TCF7: variants seen among roughly 807,000 people sequenced by gnomAD.
TCF7 encodes transcription factor 7, also known as T-cell-factor-7.
In TCF7, 19 loss-of-function variants were observed where a neutral mutation model predicts 46.8. The ratio of observed to expected loss-of-function variants is 0.41; its 90% CI spans 0.28 to 0.60. The LOEUF (loss-of-function observed/expected upper bound fraction) is 0.60. Ranked by LOEUF, TCF7 falls within the 20% of genes least tolerant of loss-of-function variation. The pLI is 0.35. For synonymous variants in TCF7, 245 were observed against 213.4 expected (o/e 1.15, Z -1.29); for missense variants, 547 against 504.6 (o/e 1.08, Z -0.81).
chr5:134,146,588 T>C lies in TCF7; in HGVS notation c.*285T>C, dbSNP rs1760742236. 1 of 696,046 alleles carries C rather than the reference T, an allele frequency of 1.4e-6. No homozygotes were observed. Among genetic ancestry groups the C allele is most frequent in the Non-Finnish European group, 2.6e-6 (1 of 379,858 alleles). The allele number at this position is 696,046 out of a possible 1,614,324, so 43.1% of individuals were successfully genotyped here. A position where few individuals can be genotyped will look rare whatever the true frequency, so the allele number is the denominator to read the frequency against. ...GAAAGTGACAGAGACCCAGATCTCA[T>C]GGAAACTGGCCAGGGGTCCTGTTAA... On this transcript the variant is annotated 3_prime_UTR_variant, in exon 10 of 10. Coordinates refer to ENST00000342854, the MANE Select transcript of TCF7 (RefSeq NM_003202.5).
intron 3 of TCF7, among the ~76,000 whole-genome samples, chr5:134,117,754 C>CT (rs1464574785): frequency 1.3e-5 from 2 of 152,210 alleles, no homozygotes; most frequent in Non-Finnish European, 2.9e-5. Context: ...ACCTTTCAGT[C>CT]TTTCTCAAGC....
At chr5:134,138,291 C>A in intron 4 of TCF7, 127 bp downstream of exon 4, 1 of 761,622 alleles carries the variant, frequency 1.3e-6, no homozygotes, top group Non-Finnish European at 2.1e-6. Flanking sequence ...AACTAAGGGC[C>A]CAAAGAAAAT....
chr5:134,114,951 C>T lies in TCF7; in HGVS notation c.45C>T (p.Asp15=). ...DSGGGGAGGG[D]DLGAPDELLA... is the part of the protein sequence containing the mutation. Reference sequence around the variant, plus strand: ...GCGGGGGCGGCGCGGGCGGCGGCGACGACCTCGGCGCGCCGGACGAGCTGC... The same window carrying T: ...GCGGGGGCGGCGCGGGCGGCGGCGATGACCTCGGCGCGCCGGACGAGCTGC... The change falls in exon 1 of 10, where the codon GAC becomes GAT. Residue 15 remains aspartate, a synonymous_variant. Transcript: ENST00000342854. 3.5e-6 allele frequency: 4 copies of T among 1,134,712 alleles called. No homozygotes were observed. Among genetic ancestry groups the T allele is most frequent in the South Asian group, 4.1e-5 (2 of 48,302 alleles). The allele number at this position is 1,134,712 out of a possible 1,614,324, so 70.3% of individuals were successfully genotyped here.
At chr5:134,142,096 A>C in intron 5 of TCF7, 89 bp from the exon 6 acceptor site, 2 of 1,572,834 alleles carry the variant, frequency 1.3e-6, no homozygotes. Context: ...CTGTGTCCTC[A>C]AGTTATGTAT....
At chr5:134,132,611 C>T (rs992971567) in intron 3 of TCF7, among the ~76,000 whole-genome samples, 17 of 152,184 alleles carry the variant, frequency 1.1e-4, no homozygotes, top group African/African-American at 3.6e-4. Context: ...CCGTCAGAGG[C>T]GAGGGAGTTT....
intron 3 of TCF7, among the ~76,000 whole-genome samples, chr5:134,137,443 A>G (rs1403418168): frequency 6.6e-6 from 1 of 151,284 alleles, no homozygotes; most frequent in African/African-American, 2.4e-5. Context: ...AAAAAAAAAA[A>G]AAAACAGAGA....
In TCF7 at chr5:134,146,892, C is replaced by T; in HGVS notation, c.*589C>T. ...CTTCTCTACCCATCTCCCCCATCCC[C>T]CACTGCCACACCCTCCCCATTCAGA... On this transcript the variant is annotated 3_prime_UTR_variant, in exon 10 of 10. Transcript: ENST00000342854. The T allele has an allele frequency of 3.5e-6, 1 of 283,628 alleles. No homozygotes were observed. The highest frequency in any genetic ancestry group is 6.7e-6 in the Non-Finnish European group (1 of 150,214). The allele number at this position is 283,628 out of a possible 1,614,324, so 17.6% of individuals were successfully genotyped here. A position where few individuals can be genotyped will look rare whatever the true frequency, so the allele number is the denominator to read the frequency against.
At chr5:134,145,692 G>A in intron 9 of TCF7, 1 of 1,604,930 alleles carries the variant, frequency 6.2e-7, no homozygotes, top group Non-Finnish European at 8.5e-7. Context: ...ATGCACGGTG[G>A]GAAACAACCC....
At chr5:134,118,548 G>A (rs1167792496) in intron 3 of TCF7, among the ~76,000 whole-genome samples, 3 of 152,126 alleles carry the variant, frequency 2.0e-5, no homozygotes, top group South Asian at 2.1e-4. Context: ...AACCTTGCCC[G>A]GAGCAATAGG....
chr5:134,124,639 ACT>A (rs1488860545), intron 3 of TCF7, among the ~76,000 whole-genome samples: 1 of 152,020 alleles, frequency 6.6e-6, no homozygotes, highest in Non-Finnish European at 1.5e-5. Flanking sequence ...AGGAGCAGAC[ACT>A]CTGCCAAATA....
intron 3 of TCF7, 96 bp downstream of exon 3, chr5:134,116,129 A>ACT (rs1354467058): frequency 6.8e-7 from 1 of 1,479,584 alleles, no homozygotes; most frequent in East Asian, 2.5e-5. Flanking sequence ...GGAACAAAAT[A>ACT]GACGAGACTC....
intron 3 of TCF7, among the ~76,000 whole-genome samples, chr5:134,132,607 G>T (rs1031399197): frequency 6.6e-6 from 1 of 152,252 alleles, no homozygotes; most frequent in South Asian, 2.1e-4. Context: ...TCAACCGTCA[G>T]AGGCGAGGGA....
intron 3 of TCF7, among the ~76,000 whole-genome samples, chr5:134,137,292 C>T (rs528185589): frequency 3.3e-5 from 5 of 152,038 alleles, no homozygotes; most frequent in Admixed American, 1.3e-4. Context: ...GGTGTGGTGG[C>T]GGGTGCCTGT....
At chr5:134,138,230 G>A (rs1315913147) in intron 4 of TCF7, 66 bp downstream of exon 4, 1 of 1,444,032 alleles carries the variant, frequency 6.9e-7, no homozygotes, top group East Asian at 2.3e-5. Flanking sequence ...CCCAGCTTCT[G>A]AGACCAGGTA....
At chr5:134,124,780 A>G (rs1757112774) in intron 3 of TCF7, among the ~76,000 whole-genome samples, 1 of 152,092 alleles carries the variant, frequency 6.6e-6, no homozygotes, top group South Asian at 2.1e-4. Flanking sequence ...GGCTCCAGGC[A>G]TGGATGGGCA....
At position 134,128,523 on chromosome 5, in the gene TCF7, C is replaced by T. The variant is rs370592982; in HGVS notation, c.442-9536C>T. On this transcript the variant is annotated intron_variant, in intron 3 of 9. Coordinates refer to ENST00000342854, the MANE Select transcript of TCF7 (RefSeq NM_003202.5). ...GGGAGTGAGCGCTTCATGACCGTGG[C>T]GGCCTCAGGGCAGGACTGTCCTCCT... Among the ~76,000 whole-genome samples the T allele has an allele frequency of 7.9e-5, 12 of 151,934 alleles. No individual in the cohort carries two copies. The East Asian group carries it at 1.7e-3, about 22-fold the overall frequency.
At position 134,115,016 on chromosome 5, in the gene TCF7, G is replaced by A. The variant is rs761576403; in HGVS notation, c.110G>A (p.Ser37Asn). The A allele has an allele frequency of 1.6e-6, 2 of 1,257,442 alleles. No individual in the cohort carries two copies. The highest frequency in any genetic ancestry group is 2.0e-6 in the Non-Finnish European group (2 of 976,558). 77.9% of individuals were successfully genotyped at this position (1,257,442 alleles called of 1,614,324 possible). A position where few individuals can be genotyped will look rare whatever the true frequency, so the allele number is the denominator to read the frequency against. ...QDEGEEQDDK[S>N]RDSAAGPERD... ...GAAGGCGAGGAGCAGGACGACAAGAGCCGCGACAGCGCCGCCGGTCCCGAG... is the reference window on the plus strand; with the variant it reads ...GAAGGCGAGGAGCAGGACGACAAGAACCGCGACAGCGCCGCCGGTCCCGAG... The change falls in exon 1 of 10, where the codon AGC becomes AAC. Residue 37 changes from serine (S) to asparagine (N), a missense_variant. By Grantham distance (46) the Ser-to-Asn change is conservative. Transcript: ENST00000342854.
Position 134,114,869 on chromosome 5 carries a change from G to C in TCF7, c.-38G>C, listed in dbSNP as rs536189195. 1 of 983,900 alleles carries C rather than the reference G, an allele frequency of 1.0e-6. No homozygotes were observed. The highest frequency in any genetic ancestry group is 6.3e-5 in the Admixed American group (1 of 15,920). The allele number at this position is 983,900 out of a possible 1,614,324, so 60.9% of individuals were successfully genotyped here. A position where few individuals can be genotyped will look rare whatever the true frequency, so the allele number is the denominator to read the frequency against. ...GCCGGCTCCGCGCCCCGCACTCCCG[G>C]CGCCCAGCGCCCCGCGCCCCGGCGG... is the stretch of plus-strand genomic sequence containing the variant. On this transcript the variant is annotated 5_prime_UTR_variant, in exon 1 of 10. Transcript: ENST00000342854.
chr5:134,121,336 C>A (rs531025326), intron 3 of TCF7, among the ~76,000 whole-genome samples: 1 of 151,792 alleles, frequency 6.6e-6, no homozygotes, highest in Admixed American at 6.6e-5. Context: ...GTAATCCCAG[C>A]GCTTTGGGAG....
Sources: allele counts gnomAD v4.1 joint callset (sites outside exome capture counted in the v4.1 genomes callset), GRCh38; gene constraint gnomAD v4.1.1; transcripts MANE v1.5; gene names NCBI Gene and HGNC (gene_info 2026-07-23, HGNC 2026-07-21).